The following CEP128 variants were observed in gnomAD, a reference collection of about 807,000 sequenced individuals.
CEP128 encodes centrosomal protein 128, also known as centrosomal protein 128kDa.
In CEP128, 132 loss-of-function variants were observed where a neutral mutation model predicts 156.7. That is an observed-to-expected ratio of 0.84 (90% CI 0.73 to 0.97). The LOEUF (loss-of-function observed/expected upper bound fraction) is 0.97. Ranked by LOEUF, CEP128 falls within the 50% of genes least tolerant of loss-of-function variation. The pLI is 0.00. For missense variants in CEP128, 1,252 were observed against 1,281.9 expected (o/e 0.98, Z 0.36); for synonymous variants, 469 against 448.9 (o/e 1.04, Z -0.57).
chr14:80,661,961 C>T (rs1254240432), intron 19 of CEP128, among the ~76,000 whole-genome samples: 1 of 152,138 alleles, frequency 6.6e-6, no homozygotes, highest in Non-Finnish European at 1.5e-5. Context: ...AACAATATCA[C>T]TCAGTTTCTA....
At chr14:80,694,968 T>A (rs1349618742) in intron 19 of CEP128, among the ~76,000 whole-genome samples, 1 of 151,574 alleles carries the variant, frequency 6.6e-6, no homozygotes, top group African/African-American at 2.4e-5. Flanking sequence ...TTAGGTTCCA[T>A]GATTTCTGCA....
At chr14:80,950,923 A>AT (rs1298248027) in intron 2 of CEP128, among the ~76,000 whole-genome samples, 5 of 150,412 alleles carry the variant, frequency 3.3e-5, no homozygotes, top group Non-Finnish European at 7.4e-5. Context: ...AAAAAAAAAA[A>AT]AGCAGATTAT....
At chr14:80,802,426 C>G (rs1883924806) in intron 13 of CEP128, among the ~76,000 whole-genome samples, 1 of 151,934 alleles carries the variant, frequency 6.6e-6, no homozygotes, top group African/African-American at 2.4e-5. Context: ...CCTCAGCAAA[C>G]TAACACAGGA....
At chr14:80,784,205 C>T (rs909122057) in intron 15 of CEP128, among the ~76,000 whole-genome samples, 4 of 151,442 alleles carry the variant, frequency 2.6e-5, no homozygotes, top group African/African-American at 7.3e-5. Context: ...AATCCCTATC[C>T]TCAGAGAGTC....
At chr14:80,916,606 C>T (rs1483777850) in intron 2 of CEP128, 44 bp from the exon 3 acceptor site, 7 of 1,489,142 alleles carry the variant, frequency 4.7e-6, no homozygotes, top group Non-Finnish European at 6.5e-6. Flanking sequence ...CAGTAAAAAG[C>T]ATGGAAATAA....
intron 19 of CEP128, among the ~76,000 whole-genome samples, chr14:80,655,086 A>G (rs1485521179): frequency 2.0e-5 from 3 of 152,074 alleles, no homozygotes; most frequent in African/African-American, 7.2e-5. Flanking sequence ...CTCACATCCA[A>G]TCCCTTAGGT....
At chr14:80,491,314 T>A (rs962426183) in intron 6 of CEP128, among the ~76,000 whole-genome samples, 2 of 151,990 alleles carry the variant, frequency 1.3e-5, no homozygotes, top group African/African-American at 4.8e-5. Flanking sequence ...CAGCATGAGG[T>A]CTCTCAAGCT....
At chr14:80,671,336 T>C (rs988287358) in intron 19 of CEP128, among the ~76,000 whole-genome samples, 2 of 152,198 alleles carry the variant, frequency 1.3e-5, no homozygotes, top group African/African-American at 2.4e-5. Flanking sequence ...GTTACCTCTT[T>C]ATAGTTAAAA....
At chr14:80,737,974 C>T (rs1231542445) in intron 19 of CEP128, among the ~76,000 whole-genome samples, 2 of 152,040 alleles carry the variant, frequency 1.3e-5, no homozygotes, top group Non-Finnish European at 2.9e-5. Flanking sequence ...AGAAATCATC[C>T]CATAAGTTAC....
At chr14:80,549,813 C>T (rs1241246569) in intron 21 of CEP128, among the ~76,000 whole-genome samples, 1 of 152,118 alleles carries the variant, frequency 6.6e-6, no homozygotes, top group Non-Finnish European at 1.5e-5. Flanking sequence ...TTTGCACATG[C>T]AGTAGGATGA....
chr14:80,775,405 T>C (rs980168637), intron 16 of CEP128, among the ~76,000 whole-genome samples: 6 of 152,196 alleles, frequency 3.9e-5, no homozygotes, highest in Non-Finnish European at 5.9e-5. Context: ...CTAAAGTACA[T>C]AGCAATCATG....
At chr14:80,696,179 G>A (rs1460891084) in intron 19 of CEP128, among the ~76,000 whole-genome samples, 3 of 152,220 alleles carry the variant, frequency 2.0e-5, no homozygotes, top group Non-Finnish European at 2.9e-5. Flanking sequence ...AGGGCTGTTA[G>A]AAGGAGACCG....
chr14:80,503,948 G>A (rs1302208640), intron 24 of CEP128, among the ~76,000 whole-genome samples: 1 of 152,012 alleles, frequency 6.6e-6, no homozygotes, highest in African/African-American at 2.4e-5. Flanking sequence ...AAAAATAAGA[G>A]TTATCACCTT....
Position 80,780,273 on chromosome 14 carries a change from G to A in CEP128, c.2212-2227C>T, listed in dbSNP as rs116737274. On this transcript the variant is annotated intron_variant, in intron 15 of 24. Coordinates refer to ENST00000555265, the MANE Select transcript of CEP128 (RefSeq NM_152446.5). ...TATAGAGCTACTTGTCTAAAACTCC[G>A]TTGTGTGCATAATTCAGTATATTAC... is the stretch of plus-strand genomic sequence containing the variant. 7.8e-3 allele frequency among the ~76,000 whole-genome samples: 1,181 copies of A among 152,206 alleles called. 13 individuals are homozygous for A. The highest frequency in any genetic ancestry group is 0.021 in the African/African-American group (871 of 41,542).
downstream of CEP128, among the ~76,000 whole-genome samples, chr14:80,494,957 A>C (rs935583209): frequency 6.6e-6 from 1 of 152,166 alleles, no homozygotes; most frequent in Non-Finnish European, 1.5e-5. Context: ...AATGGGAAAA[A>C]CATTGAGCCA....
chr14:80,518,161 C>T (rs1189046688), intron 23 of CEP128, among the ~76,000 whole-genome samples: 1 of 149,438 alleles, frequency 6.7e-6, no homozygotes, highest in Non-Finnish European at 1.5e-5. Flanking sequence ...TGATCATTGT[C>T]CCTCCCTCTG....
intron 20 of CEP128, among the ~76,000 whole-genome samples, chr14:80,576,438 T>C (rs1312855350): frequency 6.6e-6 from 1 of 152,092 alleles, no homozygotes; most frequent in African/African-American, 2.4e-5. Context: ...AGGCAGACAA[T>C]GTTAAGCTCC....
At chr14:80,625,679 A>T (rs1426281405) in intron 19 of CEP128, among the ~76,000 whole-genome samples, 1 of 151,504 alleles carries the variant, frequency 6.6e-6, no homozygotes, top group Non-Finnish European at 1.5e-5. Context: ...TCCTTGGTTA[A>T]ATTTATTCCT....
chr14:80,763,899 T>A (rs1022411816), intron 16 of CEP128, among the ~76,000 whole-genome samples: 1 of 152,204 alleles, frequency 6.6e-6, no homozygotes, highest in Admixed American at 6.5e-5. Context: ...GGCCTCCTGA[T>A]GGTGCAGTAT....
Sources: gnomAD v4.1 joint callset for allele counts (sites outside exome capture counted in the v4.1 genomes callset) on GRCh38, gnomAD v4.1.1 for gene constraint, MANE v1.5 for transcripts, NCBI Gene and HGNC (gene_info 2026-07-23, HGNC 2026-07-21) for gene names.